Variants in TCTN3 observed in about 807,000 individuals in gnomAD.
The protein encoded by TCTN3 is tectonic family member 3, also known as tectonic-3.
A neutral mutation model predicts 71.3 loss-of-function variants in TCTN3; 57 were observed. The ratio of observed to expected loss-of-function variants is 0.80; its 90% CI spans 0.65 to 1.00. TCTN3 has a LOEUF of 1.00. TCTN3 is among the 50% of genes least tolerant of loss of function. TCTN3 has a pLI of 0.00. For synonymous variants in TCTN3, 258 were observed against 267.8 expected, an observed-to-expected ratio of 0.96 and a Z score of 0.36; for missense variants, 696 against 719.9, an observed-to-expected ratio of 0.97 and a Z score of 0.38.
intron 13 of TCTN3, among the ~76,000 whole-genome samples, chr10:95,667,364 T>C (rs2097926683): frequency 6.6e-6 from 1 of 152,050 alleles, no homozygotes; most frequent in Non-Finnish European, 1.5e-5. Context: ...CATCATAATA[T>C]GCAAAAACAG....
intron 13 of TCTN3, among the ~76,000 whole-genome samples, chr10:95,668,366 A>G (rs962793475): frequency 2.0e-5 from 3 of 152,010 alleles, no homozygotes; most frequent in Admixed American, 6.6e-5. Flanking sequence ...AAAATTTGGT[A>G]TAATGAATGA....
chr10:95,664,544 C>A (rs907891680), intron 13 of TCTN3, among the ~76,000 whole-genome samples: 5 of 152,194 alleles, frequency 3.3e-5, no homozygotes, highest in Non-Finnish European at 5.9e-5. Context: ...CTCTAGCTTC[C>A]CCTAGCTGGG....
At chr10:95,693,515 C>A in intron 1 of TCTN3, 39 bp from the exon 2 acceptor site, 1 of 1,551,624 alleles carries the variant, frequency 6.4e-7, no homozygotes, top group Non-Finnish European at 8.7e-7. Context: ...GATGAAGATC[C>A]CCAAACTCTC....
intron 3 of TCTN3, 23 bp from the exon 4 acceptor site, chr10:95,687,742 A>T: frequency 1.9e-6 from 3 of 1,600,322 alleles, no homozygotes; most frequent in Non-Finnish European, 2.6e-6. Context: ...TTAAAAGAAA[A>T]AGCGTTTAGA....
Position 95,687,236 on chromosome 10 carries a change from T to A in TCTN3, c.736+11A>T. 1 of 1,613,634 alleles carries A rather than the reference T, an allele frequency of 6.2e-7. No homozygotes were observed. Among genetic ancestry groups the A allele is most frequent in the Non-Finnish European group, 8.5e-7 (1 of 1,179,648 alleles). Reference sequence around the variant, plus strand: ...TGAATGAAAAGGTTGGTACTTTTGCTCTGGATTCACCTGCAGGATTGCTTT... The same window carrying A: ...TGAATGAAAAGGTTGGTACTTTTGCACTGGATTCACCTGCAGGATTGCTTT... On this transcript the variant is annotated intron_variant, in intron 5 of 13. Coordinates refer to ENST00000371217, the MANE Select transcript of TCTN3 (RefSeq NM_015631.6).
At chr10:95,683,330 G>T in intron 10 of TCTN3, 135 bp from the exon 11 acceptor site, 1 of 1,496,198 alleles carries the variant, frequency 6.7e-7, no homozygotes, top group East Asian at 2.4e-5. Context: ...TCACAAATTT[G>T]TGATTTTTTT....
At chr10:95,671,407 A>G (rs1289761955) in intron 13 of TCTN3, among the ~76,000 whole-genome samples, 1 of 152,240 alleles carries the variant, frequency 6.6e-6, no homozygotes, top group African/African-American at 2.4e-5. Context: ...TTGTCCCAAA[A>G]TAAGATTTAC....
chr10:95,663,898 A>C lies in TCTN3; in HGVS notation c.*169T>G. 1 of 616,514 alleles carries C rather than the reference A, an allele frequency of 1.6e-6. No homozygotes were observed. Among genetic ancestry groups the C allele is most frequent in the East Asian group, 2.8e-5 (1 of 35,758 alleles). 38.2% of individuals were successfully genotyped at this position (616,514 alleles called of 1,614,324 possible). On this transcript the variant is annotated 3_prime_UTR_variant, in exon 14 of 14. Transcript: ENST00000371217. The stretch of plus-strand genomic sequence containing the variant: ...GAGCTATGATGAATAAAATATTTTT[A>C]TTGCTTTTCTAAAATAACTCCTTTC...
chr10:95,669,639 C>T (rs1209393719), intron 13 of TCTN3, among the ~76,000 whole-genome samples: 2 of 152,214 alleles, frequency 1.3e-5, no homozygotes, highest in African/African-American at 2.4e-5. Context: ...AGGCATAGTA[C>T]TTGGCACAGA....
At chr10:95,667,858 A>T (rs1236216034) in intron 13 of TCTN3, among the ~76,000 whole-genome samples, 1 of 152,218 alleles carries the variant, frequency 6.6e-6, no homozygotes, top group Admixed American at 6.5e-5. Context: ...GTCACCCACA[A>T]TCACAGAGCT....
In TCTN3 at chr10:95,678,813, CTATAAGA is replaced by C. The variant is rs912274109; in HGVS notation, c.1590+1652_1590+1658del. On this transcript the variant is annotated intron_variant, in intron 13 of 13. Coordinates refer to ENST00000371217, the MANE Select transcript of TCTN3 (RefSeq NM_015631.6). ...TTTTATTATAAGCTTATTGTAAGCA[CTATAAGA>C]TATAAGTATCATTTTATAACTCCTT... Among the ~76,000 whole-genome samples the C allele has an allele frequency of 2.6e-5, 4 of 152,206 alleles. No individual in the cohort carries two copies. The East Asian group carries it at 5.8e-4, about 22-fold the overall frequency.
chr10:95,693,052 G>A lies in TCTN3; in HGVS notation c.381-14C>T. ...CAGCTTGAAGACCTGTGAGGAAAGA[G>A]GAGGGAGAAGATATATTTAGAAGGG... On this transcript the variant is annotated splice_polypyrimidine_tract_variant and intron_variant, in intron 2 of 13. Transcript: ENST00000371217. 30 of 1,582,488 alleles carry A rather than the reference G, an allele frequency of 1.9e-5. No individual in the cohort carries two copies. The highest frequency in any genetic ancestry group is 2.6e-5 in the Non-Finnish European group (30 of 1,155,450).
chr10:95,677,489 T>G (rs1452394513), intron 13 of TCTN3, among the ~76,000 whole-genome samples: 2 of 130,876 alleles, frequency 1.5e-5, no homozygotes, highest in African/African-American at 2.7e-5. Flanking sequence ...TTTTGTTTTT[T>G]TTTTTTTTTT....
intron 1 of TCTN3, 65 bp from the exon 2 acceptor site, chr10:95,693,541 CCTT>C (rs2097955709): frequency 3.2e-6 from 5 of 1,549,828 alleles, no homozygotes; most frequent in Middle Eastern, 1.7e-4. Flanking sequence ...TGCTCACCCT[CCTT>C]CTTCCGACAG....
Position 95,663,675 on chromosome 10 carries a change from GT to G in TCTN3, c.*391del. The stretch of plus-strand genomic sequence containing the variant: ...CAGTCCAGAGGGAAGCTATTCCTGA[GT>G]TCATTCAAGGTGACAGCAGAAGTGT... On this transcript the variant is annotated 3_prime_UTR_variant, in exon 14 of 14. Coordinates refer to ENST00000371217, the MANE Select transcript of TCTN3 (RefSeq NM_015631.6). The G allele has an allele frequency of 1.5e-5, 3 of 194,828 alleles. No individual in the cohort carries two copies. In the South Asian group the frequency reaches 3.1e-4, roughly 20 times the overall value. 12.1% of individuals were successfully genotyped at this position (194,828 alleles called of 1,614,324 possible).
chr10:95,676,075 C>A (rs901232154), intron 13 of TCTN3, among the ~76,000 whole-genome samples: 1 of 151,768 alleles, frequency 6.6e-6, no homozygotes, highest in African/African-American at 2.4e-5. Flanking sequence ...TAAAACATAG[C>A]CAACTTTCAA....
Position 95,686,182 on chromosome 10 carries a change from C to A in TCTN3, c.888+313G>T, listed in dbSNP as rs531560572. 2.6e-5 allele frequency among the ~76,000 whole-genome samples: 4 copies of A among 152,308 alleles called. No homozygotes were observed. In the South Asian group the frequency reaches 8.3e-4, roughly 32 times the overall value. Reference sequence around the variant, plus strand: ...GGTTTAGGCTGCAGTGAACTGTGACCGTGCCACTGCACTTCAGCCTGGGTG... The same window carrying A: ...GGTTTAGGCTGCAGTGAACTGTGACAGTGCCACTGCACTTCAGCCTGGGTG... On this transcript the variant is annotated intron_variant, in intron 7 of 13. Coordinates refer to ENST00000371217, the MANE Select transcript of TCTN3 (RefSeq NM_015631.6).
intron 11 of TCTN3, 118 bp from the exon 12 acceptor site, chr10:95,682,922 C>A (rs1256206680): frequency 2.2e-6 from 3 of 1,382,540 alleles, no homozygotes; most frequent in Non-Finnish European, 9.8e-7. Context: ...AGGGTATAAT[C>A]CTTAGTAGGT....
At chr10:95,675,533 A>G (rs1180126348) in intron 13 of TCTN3, among the ~76,000 whole-genome samples, 1 of 152,242 alleles carries the variant, frequency 6.6e-6, no homozygotes, top group Non-Finnish European at 1.5e-5. Context: ...GAAACCACAG[A>G]AGGAGGCAAA....
Sources: allele counts gnomAD v4.1 joint callset (sites outside exome capture counted in the v4.1 genomes callset), GRCh38; gene constraint gnomAD v4.1.1; transcripts MANE v1.5; gene names NCBI Gene and HGNC (gene_info 2026-07-23, HGNC 2026-07-21).